Variants in ZRANB3 observed in about 807,000 individuals in gnomAD.
ZRANB3 encodes the protein zinc finger RANBP2-type containing 3.
In ZRANB3, 125 loss-of-function variants were observed where a neutral mutation model predicts 133.8. That is an observed-to-expected ratio of 0.93 (90% CI 0.81 to 1.08). The LOEUF (loss-of-function observed/expected upper bound fraction) is 1.08, where lower values mean the gene tolerates loss of function less well. Among genes scored for constraint, ZRANB3 ranks in the 50% least tolerant of loss-of-function variants. The probability of loss-of-function intolerance (pLI) is 0.00; values close to 1 mark genes in which losing one functional copy is unlikely to be tolerated. For missense variants in ZRANB3, 1,229 were observed against 1,275.5 expected (o/e 0.96, Z 0.56); for synonymous variants, 387 against 432.7 (o/e 0.89, Z 1.31).
chr2:135,386,225 A>G (rs2104919777), intron 3 of ZRANB3, among the ~76,000 whole-genome samples: 1 of 152,374 alleles, frequency 6.6e-6, no homozygotes, highest in Admixed American at 6.5e-5. Flanking sequence ...TATGCAGCCA[A>G]AAGACACATG....
chr2:135,245,377 C>A (rs1206676327), intron 12 of ZRANB3, among the ~76,000 whole-genome samples: 1 of 152,172 alleles, frequency 6.6e-6, no homozygotes, highest in African/African-American at 2.4e-5. Flanking sequence ...GTGAGAAAAT[C>A]TCTTTGATAT....
chr2:135,242,965 T>C (rs1242603278), intron 12 of ZRANB3, among the ~76,000 whole-genome samples: 1 of 152,242 alleles, frequency 6.6e-6, no homozygotes, highest in Non-Finnish European at 1.5e-5. Flanking sequence ...TTACATTGTC[T>C]CTGTTTCTTT....
intron 5 of ZRANB3, 27 bp from the exon 6 acceptor site, chr2:135,345,662 T>C (rs972239215): frequency 4.8e-6 from 7 of 1,447,406 alleles, no homozygotes; most frequent in African/African-American, 4.2e-5. Flanking sequence ...GTTTGTAGTA[T>C]GTTGTAATAT....
chr2:135,423,187 C>T (rs57271805), intron 2 of ZRANB3, among the ~76,000 whole-genome samples: 6,049 of 152,282 alleles, frequency 0.04, 417 homozygotes, highest in African/African-American at 0.14. Flanking sequence ...AATCCCAACA[C>T]TTTGGAAGGC....
chr2:135,303,120 G>C (rs931902960), intron 8 of ZRANB3, among the ~76,000 whole-genome samples: 1 of 152,048 alleles, frequency 6.6e-6, no homozygotes, highest in Non-Finnish European at 1.5e-5. Flanking sequence ...ATGGAACAAG[G>C]AGAGTATATT....
At chr2:135,248,723 T>C (rs368171277) in intron 12 of ZRANB3, among the ~76,000 whole-genome samples, 4 of 152,108 alleles carry the variant, frequency 2.6e-5, no homozygotes, top group African/African-American at 9.7e-5. Context: ...CTGGCCAAAA[T>C]TGTGAAACCC....
chr2:135,333,461 A>C (rs2104850072), intron 6 of ZRANB3, among the ~76,000 whole-genome samples: 2 of 152,348 alleles, frequency 1.3e-5, no homozygotes, highest in Middle Eastern at 6.8e-3. Context: ...GAAGATTAAA[A>C]ACTACATACA....
chr2:135,295,802 G>C (rs550457002), intron 8 of ZRANB3, among the ~76,000 whole-genome samples: 1 of 152,264 alleles, frequency 6.6e-6, no homozygotes, highest in South Asian at 2.1e-4. Context: ...GCATTTGCTT[G>C]TCTGTAAAGG....
In ZRANB3 at chr2:135,348,720, G is replaced by A. The variant is rs1338934616; in HGVS notation, c.591+1264C>T. Among the ~76,000 whole-genome samples the A allele has an allele frequency of 3.3e-5, 5 of 151,784 alleles. No individual in the cohort carries two copies. In the South Asian group the frequency reaches 6.3e-4, roughly 19 times the overall value. On this transcript the variant is annotated intron_variant, in intron 5 of 20. Transcript: ENST00000264159. ...AGTGATTTTCCTGCCTCAGCCTCCCGGGTAGCTAAACTACAGGCACAGGCC... is the reference window on the plus strand; with the variant it reads ...AGTGATTTTCCTGCCTCAGCCTCCCAGGTAGCTAAACTACAGGCACAGGCC...
chr2:135,468,241 A>G (rs1484220560), intron 2 of ZRANB3, among the ~76,000 whole-genome samples: 1 of 152,192 alleles, frequency 6.6e-6, no homozygotes. Context: ...TCTGGAATAT[A>G]TGTGGATTAC....
intron 15 of ZRANB3, among the ~76,000 whole-genome samples, chr2:135,220,632 A>C (rs769374947): frequency 1.4e-5 from 2 of 146,464 alleles, no homozygotes; most frequent in Non-Finnish European, 3.0e-5. Flanking sequence ...CGGGAGGCAG[A>C]GATTACAGTG....
At chr2:135,349,943 C>G (rs374637725) in intron 5 of ZRANB3, 41 bp downstream of exon 5, 33 of 1,578,598 alleles carry the variant, frequency 2.1e-5, no homozygotes, top group East Asian at 1.6e-4. Context: ...CTCCCACCCC[C>G]CTTCTCTTCT....
At chr2:135,505,314 G>A (rs1252717617) in intron 1 of ZRANB3, among the ~76,000 whole-genome samples, 1 of 152,072 alleles carries the variant, frequency 6.6e-6, no homozygotes, top group Non-Finnish European at 1.5e-5. Flanking sequence ...GGTGGCTCAC[G>A]CCTGTAATCC....
At chr2:135,389,597 G>C (rs1430635671) in intron 3 of ZRANB3, among the ~76,000 whole-genome samples, 1 of 151,704 alleles carries the variant, frequency 6.6e-6, no homozygotes, top group Non-Finnish European at 1.5e-5. Context: ...CCCACCTACT[G>C]GGGAGGCTGA....
chr2:135,398,268 G>A (rs917178644), intron 2 of ZRANB3, among the ~76,000 whole-genome samples: 4 of 151,760 alleles, frequency 2.6e-5, no homozygotes, highest in South Asian at 2.1e-4. Context: ...GGGTTTCACC[G>A]TGTTAGCCAG....
chr2:135,326,563 C>T (rs1158159843), intron 6 of ZRANB3, among the ~76,000 whole-genome samples: 1 of 151,836 alleles, frequency 6.6e-6, no homozygotes, highest in Non-Finnish European at 1.5e-5. Flanking sequence ...TTTGCTGCAC[C>T]TATTAACCCA....
In ZRANB3 at chr2:135,309,951, T is replaced by A. The variant is rs181114743; in HGVS notation, c.966+3538A>T. On this transcript the variant is annotated intron_variant, in intron 8 of 20. Coordinates refer to ENST00000264159, the MANE Select transcript of ZRANB3 (RefSeq NM_032143.4). ...TCAAGGCTTATTTATTTATTTATTT[T>A]TTGGAGACAGAGTCTTGCTCTGTTG... is the stretch of plus-strand genomic sequence containing the variant. 1.3e-4 allele frequency among the ~76,000 whole-genome samples: 20 copies of A among 152,318 alleles called. No homozygotes were observed. The East Asian group carries it at 3.5e-3, about 26-fold the overall frequency.
At chr2:135,249,651 G>T (rs1679283913) in intron 12 of ZRANB3, among the ~76,000 whole-genome samples, 1 of 152,162 alleles carries the variant, frequency 6.6e-6, no homozygotes, top group South Asian at 2.1e-4. Flanking sequence ...AGTTTTTCCT[G>T]CGCTAGTCTA....
chr2:135,221,341 T>C (rs1694546870), intron 15 of ZRANB3, among the ~76,000 whole-genome samples: 1 of 152,078 alleles, frequency 6.6e-6, no homozygotes, highest in Non-Finnish European at 1.5e-5. Flanking sequence ...TTTGAGACCA[T>C]TAACAGAGAT....
Sources: allele counts gnomAD v4.1 joint callset (sites outside exome capture counted in the v4.1 genomes callset), GRCh38; gene constraint gnomAD v4.1.1; transcripts MANE v1.5; gene names NCBI Gene and HGNC (gene_info 2026-07-23, HGNC 2026-07-21).